The following KDM2A variants were observed in gnomAD, a reference collection of about 807,000 sequenced individuals.
KDM2A encodes the protein lysine demethylase 2A, also known as lysine-specific demethylase 2A.
KDM2A carries 3 observed loss-of-function variants against 137.3 expected under a neutral mutation model. The observed-to-expected ratio is 0.02, with a 90% CI of 0.01 to 0.06. The LOEUF (loss-of-function observed/expected upper bound fraction) is 0.06, where lower values mean the gene tolerates loss of function less well. Ranked by LOEUF, KDM2A falls within the 10% of genes least tolerant of loss-of-function variation. The probability of loss-of-function intolerance (pLI) is 1.00; values close to 1 mark genes in which losing one functional copy is unlikely to be tolerated. For missense variants in KDM2A, 738 were observed against 1,510.6 expected (o/e 0.49, Z 8.48); for synonymous variants, 512 against 541.5 (o/e 0.95, Z 0.76).
intron 5 of KDM2A, among the ~76,000 whole-genome samples, chr11:67,191,216 G>A (rs1857345748): frequency 6.6e-6 from 1 of 151,932 alleles, no homozygotes; most frequent in African/African-American, 2.4e-5. Flanking sequence ...TAGTAGAGAT[G>A]GGGTTTCACC....
chr11:67,197,650 T>C (rs1857513760), intron 5 of KDM2A, among the ~76,000 whole-genome samples: 1 of 152,260 alleles, frequency 6.6e-6, no homozygotes, highest in African/African-American at 2.4e-5. Flanking sequence ...TAAGCCATTC[T>C]GTCTTGTAAA....
intron 2 of KDM2A, among the ~76,000 whole-genome samples, chr11:67,138,969 C>T (rs1680518047): frequency 6.6e-6 from 1 of 152,194 alleles, no homozygotes; most frequent in South Asian, 2.1e-4. Context: ...AAAATCGTTT[C>T]TTCATATTTC....
At position 67,207,453 on chromosome 11, in the gene KDM2A, C is replaced by A. The variant is rs751752033; in HGVS notation, c.308-57C>A. The A allele has an allele frequency of 1.3e-5, 16 of 1,272,902 alleles. No individual in the cohort carries two copies. The Admixed American group carries it at 2.3e-4, about 18-fold the overall frequency. 78.9% of individuals were successfully genotyped at this position (1,272,902 alleles called of 1,614,324 possible). A position where few individuals can be genotyped will look rare whatever the true frequency, so the allele number is the denominator to read the frequency against. On this transcript the variant is annotated intron_variant, in intron 5 of 20. Transcript: ENST00000529006. ...TTCTACTTTTTAAAAAATATTCTTA[C>A]TATATTTAAGGATATTAGTGGCTCG...
chr11:67,145,787 G>T (rs542089480), intron 2 of KDM2A, among the ~76,000 whole-genome samples: 1 of 150,978 alleles, frequency 6.6e-6, no homozygotes, highest in Non-Finnish European at 1.5e-5. Flanking sequence ...GGACCTTTGC[G>T]TATGCTGTTC....
chr11:67,239,670 A>G (rs1428529492), intron 12 of KDM2A, among the ~76,000 whole-genome samples: 8 of 152,194 alleles, frequency 5.3e-5, no homozygotes, highest in Admixed American at 5.2e-4. Context: ...AGTCAGCCAG[A>G]GAGCTCTGGC....
At chr11:67,207,776 G>A (rs1331440745) in intron 6 of KDM2A, 88 bp downstream of exon 6, 9 of 1,140,930 alleles carry the variant, frequency 7.9e-6, no homozygotes, top group African/African-American at 1.5e-5. Flanking sequence ...TGTTATCCCA[G>A]CACTTTGGGA....
intron 11 of KDM2A, among the ~76,000 whole-genome samples, chr11:67,230,385 T>C (rs1032436259): frequency 1.3e-5 from 2 of 152,078 alleles, no homozygotes; most frequent in Non-Finnish European, 2.9e-5. Context: ...CTCAGTACTT[T>C]AGGAAACCAA....
intron 15 of KDM2A, among the ~76,000 whole-genome samples, chr11:67,247,063 ATATATATATT>A (rs1859255289): frequency 8.0e-5 from 2 of 25,010 alleles, no homozygotes; most frequent in East Asian, 1.5e-3. Context: ...ATATATATAT[ATATATATATT>A]TTTTTTTTTT....
intron 6 of KDM2A, among the ~76,000 whole-genome samples, chr11:67,215,128 G>A (rs1858121352): frequency 6.6e-6 from 1 of 152,082 alleles, no homozygotes; most frequent in Admixed American, 6.6e-5. Context: ...TCATTTGATG[G>A]AATGATTAAT....
intron 2 of KDM2A, among the ~76,000 whole-genome samples, chr11:67,166,180 T>C (rs970961277): frequency 6.6e-6 from 1 of 151,660 alleles, no homozygotes; most frequent in Non-Finnish European, 1.5e-5. Context: ...AGAAACAATA[T>C]TTCTCTTTTT....
At chr11:67,200,654 C>T (rs1187008519) in intron 5 of KDM2A, among the ~76,000 whole-genome samples, 3 of 152,078 alleles carry the variant, frequency 2.0e-5, no homozygotes, top group Non-Finnish European at 4.4e-5. Flanking sequence ...ACTACAAGCA[C>T]ATGCCAACAC....
chr11:67,215,943 G>A lies in KDM2A; in HGVS notation c.681G>A (p.Gly227=). Residue 227 remains glycine, a synonymous_variant, in exon 8 of 21, where the codon GGG becomes GGA. Coordinates refer to ENST00000529006, the MANE Select transcript of KDM2A (RefSeq NM_012308.3). ...CTGTTTGGTATCACATCCATCAAGG[G>A]GGAAAGGTATGGTCATAGTTGTGAT... ...GTSVWYHIHQ[G]GKVFWLIPPT... 1 of 1,613,352 alleles carries A rather than the reference G, an allele frequency of 6.2e-7. No individual in the cohort carries two copies. The highest frequency in any genetic ancestry group is 1.1e-5 in the South Asian group (1 of 91,068).
chr11:67,224,712 C>G (rs1269256623), intron 10 of KDM2A, among the ~76,000 whole-genome samples: 1 of 151,714 alleles, frequency 6.6e-6, no homozygotes, highest in African/African-American at 2.4e-5. Context: ...ATGATCCACC[C>G]ACCTCAGCCT....
At chr11:67,215,269 C>T in intron 6 of KDM2A, 71 bp from the exon 7 acceptor site, 3 of 940,172 alleles carry the variant, frequency 3.2e-6, no homozygotes, top group South Asian at 1.8e-5. Context: ...TTCTGCTTTT[C>T]TTGACTTTAA....
intron 2 of KDM2A, among the ~76,000 whole-genome samples, chr11:67,133,976 G>A (rs1002453881): frequency 5.3e-5 from 8 of 152,168 alleles, no homozygotes; most frequent in African/African-American, 1.9e-4. Context: ...AGAGGCGTGA[G>A]CCACCATGCC....
chr11:67,155,907 C>T (rs61891342), intron 2 of KDM2A, among the ~76,000 whole-genome samples: 4,345 of 135,094 alleles, frequency 0.032, 117 homozygotes, highest in African/African-American at 0.07. Context: ...TGAGCCACTG[C>T]GCCTGGCCGG....
intron 5 of KDM2A, among the ~76,000 whole-genome samples, chr11:67,183,508 C>T (rs1010099195): frequency 2.0e-5 from 3 of 152,280 alleles, no homozygotes; most frequent in Admixed American, 1.3e-4. Flanking sequence ...AATAATTGCA[C>T]GGGCAGAATC....
At chr11:67,219,469 A>T in intron 10 of KDM2A, 66 bp downstream of exon 10, 1 of 715,754 alleles carries the variant, frequency 1.4e-6, no homozygotes, top group Non-Finnish European at 2.1e-6. Context: ...ATGTTACAAG[A>T]GATTCACTGA....
intron 2 of KDM2A, among the ~76,000 whole-genome samples, chr11:67,167,756 C>A (rs1856779905): frequency 6.6e-6 from 1 of 152,036 alleles, no homozygotes; most frequent in Non-Finnish European, 1.5e-5. Flanking sequence ...GGAAACTGTT[C>A]TATGTACTGT....
Sources: gnomAD v4.1 joint callset for allele counts (sites outside exome capture counted in the v4.1 genomes callset) on GRCh38, gnomAD v4.1.1 for gene constraint, MANE v1.5 for transcripts, NCBI Gene and HGNC (gene_info 2026-07-23, HGNC 2026-07-21) for gene names.